Variants in LYST observed in about 807,000 individuals in gnomAD.
LYST encodes lysosomal-trafficking regulator.
Under a neutral mutation model 413.6 loss-of-function variants are expected in LYST, and 192 were observed. The observed-to-expected ratio is 0.46, with a 90% CI of 0.41 to 0.52. LYST has a LOEUF of 0.52. Ranked by LOEUF, LYST falls within the 20% of genes least tolerant of loss-of-function variation. The pLI, the probability that LYST is intolerant of heterozygous loss-of-function variation, is 0.00. For synonymous variants in LYST, 1,525 were observed against 1,567.3 expected, an observed-to-expected ratio of 0.97 and a Z score of 0.64; for missense variants, 3,815 against 4,499.9, an observed-to-expected ratio of 0.85 and a Z score of 4.35.
chr1:235,687,140 T>C, intron 47 of LYST, 93 bp from the exon 48 acceptor site: 1 of 897,492 alleles, frequency 1.1e-6, no homozygotes, highest in Admixed American at 2.1e-5. Context: ...AAAATACTTC[T>C]ACTTTTCTGA....
At chr1:235,730,983 C>A in intron 35 of LYST, 40 bp from the exon 36 acceptor site, 1 of 1,606,158 alleles carries the variant, frequency 6.2e-7, no homozygotes, top group East Asian at 2.2e-5. Flanking sequence ...TATCTAATGA[C>A]CATAGTTCTC....
chr1:235,863,748 C>G (rs535961155), intron 1 of LYST, among the ~76,000 whole-genome samples: 26 of 152,098 alleles, frequency 1.7e-4, no homozygotes, highest in Middle Eastern at 6.8e-3. Context: ...TTTTTAACCC[C>G]CTGGTATAGT....
intron 23 of LYST, among the ~76,000 whole-genome samples, chr1:235,757,984 T>C (rs1029375216): frequency 9.9e-5 from 15 of 151,482 alleles, no homozygotes; most frequent in Non-Finnish European, 1.2e-4. Flanking sequence ...CAAATATTGG[T>C]ACAGGGGAAG....
At chr1:235,752,975 C>A in intron 26 of LYST, 69 bp downstream of exon 26, 1 of 845,696 alleles carries the variant, frequency 1.2e-6, no homozygotes. Flanking sequence ...GTAAAGTAAA[C>A]TAATACTAAA....
Position 235,746,581 on chromosome 1 carries a change from GA to G in LYST, c.7781-55del, listed in dbSNP as rs1368031783. ...AATCCCAGTGTTAATAAGGATCAAG[GA>G]AACTATTTTTGCTGAAATTTTTTGA... On this transcript the variant is annotated intron_variant, in intron 28 of 52. Transcript: ENST00000389793. 5 of 1,399,252 alleles carry G rather than the reference GA, an allele frequency of 3.6e-6. No homozygotes were observed. In the African/African-American group the frequency reaches 7.1e-5, roughly 20 times the overall value. 86.7% of individuals were successfully genotyped at this position (1,399,252 alleles called of 1,614,324 possible).
chr1:235,715,029 G>C (rs1662713353), intron 42 of LYST, among the ~76,000 whole-genome samples, 172 bp downstream of exon 42: 1 of 152,080 alleles, frequency 6.6e-6, no homozygotes, highest in South Asian at 2.1e-4. Context: ...AGATGATTTG[G>C]CTTACTACAG....
chr1:235,823,371 A>C (rs1414987827), intron 3 of LYST, among the ~76,000 whole-genome samples: 1 of 152,222 alleles, frequency 6.6e-6, no homozygotes, highest in Non-Finnish European at 1.5e-5. Context: ...AGATATAGTA[A>C]ATTAATGCTC....
At chr1:235,770,376 G>A (rs917560584) in intron 19 of LYST, 79 bp from the exon 20 acceptor site, 31 of 1,243,756 alleles carry the variant, frequency 2.5e-5, no homozygotes, top group South Asian at 1.1e-4. Flanking sequence ...CACACAACGC[G>A]CAACAATTTA....
chr1:235,812,567 T>C (rs1372750813), intron 4 of LYST, among the ~76,000 whole-genome samples: 5 of 150,550 alleles, frequency 3.3e-5, no homozygotes, highest in Non-Finnish European at 7.4e-5. Context: ...CTAAAACAAA[T>C]ACTGCAAAAG....
At position 235,829,975 on chromosome 1, in the gene LYST, G is replaced by T. The variant is rs1048096137; in HGVS notation, c.192+251C>A. 1.4e-5 allele frequency: 5 copies of T among 352,328 alleles called. No individual in the cohort carries two copies. The Admixed American group carries it at 2.2e-4, about 15-fold the overall frequency. The allele number at this position is 352,328 out of a possible 1,614,324, so 21.8% of individuals were successfully genotyped here. A position where few individuals can be genotyped will look rare whatever the true frequency, so the allele number is the denominator to read the frequency against. On this transcript the variant is annotated intron_variant, in intron 3 of 52. Coordinates refer to ENST00000389793, the MANE Select transcript of LYST (RefSeq NM_000081.4). ...ACCATAGTTATCTCACTGATATTAC[G>T]ATAAAAAGCATAGTATATATGAAAC...
chr1:235,784,729 G>A (rs1329126580), intron 14 of LYST, among the ~76,000 whole-genome samples: 2 of 152,124 alleles, frequency 1.3e-5, no homozygotes, highest in Non-Finnish European at 1.5e-5. Context: ...CATATTGAGA[G>A]CTCAAGAAAT....
intron 1 of LYST, among the ~76,000 whole-genome samples, chr1:235,845,254 T>G (rs1677684247): frequency 6.6e-6 from 1 of 152,192 alleles, no homozygotes; most frequent in East Asian, 1.9e-4. Flanking sequence ...GAGAAGTTTC[T>G]GACCTTACCT....
At chr1:235,739,622 GAAAA>G (rs58295679) in intron 31 of LYST, among the ~76,000 whole-genome samples, 5 of 140,898 alleles carry the variant, frequency 3.5e-5, no homozygotes, top group Non-Finnish European at 6.3e-5. Context: ...AAAAAAAATA[GAAAA>G]AAAAAAAAAC....
chr1:235,705,555 T>G (rs1661909156), intron 44 of LYST, among the ~76,000 whole-genome samples: 1 of 151,688 alleles, frequency 6.6e-6, no homozygotes, highest in Non-Finnish European at 1.5e-5. Context: ...CCAGCTAATT[T>G]TTAAATTTTT....
chr1:235,713,556 C>T (rs1467073420), intron 42 of LYST, among the ~76,000 whole-genome samples: 1 of 152,148 alleles, frequency 6.6e-6, no homozygotes, highest in African/African-American at 2.4e-5. Context: ...TTTTGCCCTC[C>T]AGGGGTTATT....
At chr1:235,825,795 C>T (rs565652433) in intron 3 of LYST, among the ~76,000 whole-genome samples, 23 of 152,050 alleles carry the variant, frequency 1.5e-4, no homozygotes, top group Non-Finnish European at 1.3e-4. Flanking sequence ...TAAATGAAAT[C>T]CTAGTGTGCA....
intron 19 of LYST, among the ~76,000 whole-genome samples, chr1:235,772,423 G>C (rs900206003): frequency 4.1e-5 from 6 of 146,072 alleles, no homozygotes; most frequent in African/African-American, 1.5e-4. Flanking sequence ...TTTTTTTTTT[G>C]CAAAAATCAT....
At chr1:235,770,968 C>T (rs144483136) in intron 19 of LYST, among the ~76,000 whole-genome samples, 4 of 152,246 alleles carry the variant, frequency 2.6e-5, no homozygotes, top group African/African-American at 7.2e-5. Flanking sequence ...ACCTTCCCTT[C>T]ATCTTATTAT....
In LYST at chr1:235,661,329, A is replaced by G. The variant is rs1571941036; in HGVS notation, c.*1611T>C. 2.6e-5 allele frequency: 4 copies of G among 152,624 alleles called. No homozygotes were observed. The South Asian group carries it at 8.3e-4, about 32-fold the overall frequency. The allele number at this position is 152,624 out of a possible 1,614,324, so 9.5% of individuals were successfully genotyped here. The stretch of plus-strand genomic sequence containing the variant: ...AGATGAGTAGCAACCCTATTCTAAT[A>G]GGGGACTAATTTAAAGTTCTCAGTA... On this transcript the variant is annotated 3_prime_UTR_variant, in exon 53 of 53. Coordinates refer to ENST00000389793, the MANE Select transcript of LYST (RefSeq NM_000081.4).
Sources: allele counts gnomAD v4.1 joint callset (sites outside exome capture counted in the v4.1 genomes callset), GRCh38; gene constraint gnomAD v4.1.1; transcripts MANE v1.5; gene names NCBI Gene and HGNC (gene_info 2026-07-23, HGNC 2026-07-21).